The following VOPP1 variants were observed in gnomAD, a reference collection of about 807,000 sequenced individuals.
VOPP1 encodes the protein VOPP1 WW domain binding protein, also known as WW domain binding protein VOPP1.
A neutral mutation model predicts 23.5 loss-of-function variants in VOPP1; 8 were observed. That is an observed-to-expected ratio of 0.34 (90% CI 0.20 to 0.61). The LOEUF (loss-of-function observed/expected upper bound fraction) is 0.61, where lower values mean the gene tolerates loss of function less well. Among genes scored for constraint, VOPP1 ranks in the 20% least tolerant of loss-of-function variants. The probability of loss-of-function intolerance (pLI) is 0.78; values close to 1 mark genes in which losing one functional copy is unlikely to be tolerated. For synonymous variants in VOPP1, 83 were observed against 97.3 expected (o/e 0.85, Z 0.86); for missense variants, 174 against 238.1 (o/e 0.73, Z 1.77).
intron 1 of VOPP1, among the ~76,000 whole-genome samples, chr7:55,567,651 G>C (rs1194689579): frequency 6.6e-6 from 1 of 152,204 alleles, no homozygotes. Flanking sequence ...GGCCTCCTCA[G>C]ACACCTGGAC....
intron 1 of VOPP1, chr7:55,521,704 A>T: frequency 1.0e-6 from 1 of 986,424 alleles, no homozygotes; most frequent in Non-Finnish European, 1.2e-6. Flanking sequence ...AGCTCCTAAC[A>T]TCCCGGAGGC....
intron 1 of VOPP1, among the ~76,000 whole-genome samples, chr7:55,564,630 A>G (rs1398840958): frequency 2.6e-5 from 4 of 152,112 alleles, no homozygotes; most frequent in African/African-American, 9.7e-5. Flanking sequence ...ACAGATAATA[A>G]CAAGCAAGCC....
At position 55,438,914 on chromosome 7, in the gene VOPP1, T is replaced by G. The variant is rs571050211; in HGVS notation, n.418-2740A>C. On this transcript the variant is annotated intron_variant and non_coding_transcript_variant, in intron 4 of 4. Coordinates refer to the VOPP1 transcript ENST00000462326. The stretch of plus-strand genomic sequence containing the variant: ...TGGAGCCAGCAGGACTTCCTGGCAG[T>G]CAGGGGCAGAGTAAGACAGTTGTCA... Among the ~76,000 whole-genome samples the G allele has an allele frequency of 2.0e-5, 3 of 152,082 alleles. No individual in the cohort carries two copies. The South Asian group carries it at 6.2e-4, about 32-fold the overall frequency.
intron 1 of VOPP1, among the ~76,000 whole-genome samples, chr7:55,537,043 G>T (rs1796837854): frequency 6.6e-6 from 1 of 152,164 alleles, no homozygotes; most frequent in Admixed American, 6.5e-5. Flanking sequence ...GGGGCTTTGG[G>T]GAGGGGCCAG....
Position 55,521,597 on chromosome 7 carries a change from G to A in VOPP1, c.55-467C>T, listed in dbSNP as rs115172757. 2.9e-3 allele frequency: 2,836 copies of A among 987,642 alleles called. 55 individuals are homozygous for A. The African/African-American group carries it at 0.04, about 14-fold the overall frequency. The allele number at this position is 987,642 out of a possible 1,614,324, so 61.2% of individuals were successfully genotyped here. On this transcript the variant is annotated intron_variant, in intron 1 of 4. Coordinates refer to ENST00000285279, the MANE Select transcript of VOPP1 (RefSeq NM_030796.5). The stretch of plus-strand genomic sequence containing the variant: ...CCGACCTACGTCTGCAAGATGCTGC[G>A]AGTCACGGTTCACTCGTTGCCCTCT...
At chr7:55,453,970 A>G (rs1791305143) in intron 4 of VOPP1, among the ~76,000 whole-genome samples, 1 of 152,316 alleles carries the variant, frequency 6.6e-6, no homozygotes, top group African/African-American at 2.4e-5. Flanking sequence ...TTTGAACATA[A>G]GAAGTAGAGA....
intron 2 of VOPP1, among the ~76,000 whole-genome samples, chr7:55,515,088 G>A (rs1462828161): frequency 6.6e-6 from 1 of 152,160 alleles, no homozygotes; most frequent in African/African-American, 2.4e-5. Context: ...TGCCTCCCAA[G>A]CCACCGCCCT....
chr7:55,479,550 T>C (rs975296786), intron 4 of VOPP1, among the ~76,000 whole-genome samples: 2 of 152,232 alleles, frequency 1.3e-5, no homozygotes, highest in South Asian at 4.1e-4. Flanking sequence ...GATGATAAAC[T>C]GTTTACAAAC....
chr7:55,447,133 C>A (rs1169777364), intron 4 of VOPP1, among the ~76,000 whole-genome samples: 1 of 152,168 alleles, frequency 6.6e-6, no homozygotes, highest in Non-Finnish European at 1.5e-5. Context: ...TCATGTGATG[C>A]CCCTGCTGCA....
At chr7:55,439,109 G>A (rs1245598709) in intron 4 of VOPP1, among the ~76,000 whole-genome samples, 3 of 152,148 alleles carry the variant, frequency 2.0e-5, no homozygotes, top group African/African-American at 2.4e-5. Flanking sequence ...GTCTGTGATG[G>A]AGGCGTCACT....
At chr7:55,492,181 C>T (rs1458072150) in intron 4 of VOPP1, 101 bp downstream of exon 4, 3 of 1,425,862 alleles carry the variant, frequency 2.1e-6, no homozygotes, top group South Asian at 1.6e-5. Context: ...CACACCTGAG[C>T]GCTCTCTTCT....
At chr7:55,512,605 C>G (rs1180112473) in intron 2 of VOPP1, among the ~76,000 whole-genome samples, 1 of 152,222 alleles carries the variant, frequency 6.6e-6, no homozygotes, top group Non-Finnish European at 1.5e-5. Flanking sequence ...TCTTGAATAT[C>G]TGCCCCCTCC....
intron 1 of VOPP1, among the ~76,000 whole-genome samples, chr7:55,522,922 C>G (rs930927864): frequency 5.3e-5 from 8 of 152,248 alleles, no homozygotes; most frequent in Non-Finnish European, 1.0e-4. Flanking sequence ...CACTGCATTT[C>G]AGAAAGGACT....
chr7:55,554,876 G>A (rs1035400470), intron 1 of VOPP1, among the ~76,000 whole-genome samples: 1 of 152,118 alleles, frequency 6.6e-6, no homozygotes, highest in Non-Finnish European at 1.5e-5. Context: ...AGGATTTTTC[G>A]CAGAATGAGG....
chr7:55,462,969 GTTCT>G (rs1463102917), intron 4 of VOPP1, among the ~76,000 whole-genome samples: 5 of 151,992 alleles, frequency 3.3e-5, no homozygotes, highest in African/African-American at 7.2e-5. Context: ...TTTCTGTTTG[GTTCT>G]TTCTTTATGA....
intron 4 of VOPP1, among the ~76,000 whole-genome samples, chr7:55,452,019 A>G (rs1791258009): frequency 6.6e-6 from 1 of 152,230 alleles, no homozygotes; most frequent in Admixed American, 6.5e-5. Context: ...TCTCTGTAGC[A>G]TGCGACGCTG....
chr7:55,519,198 G>T (rs141262073), intron 2 of VOPP1, among the ~76,000 whole-genome samples: 34 of 152,330 alleles, frequency 2.2e-4, no homozygotes, highest in African/African-American at 7.2e-4. Context: ...CACCTAGGGA[G>T]CTCTGGATCC....
intron 1 of VOPP1, among the ~76,000 whole-genome samples, chr7:55,558,747 A>G (rs1797889890): frequency 6.6e-6 from 1 of 152,130 alleles, no homozygotes; most frequent in South Asian, 2.1e-4. Flanking sequence ...ACAGAGTAAA[A>G]ACTTCAGACT....
chr7:55,486,078 G>A (rs1793120907), intron 4 of VOPP1, among the ~76,000 whole-genome samples: 2 of 152,202 alleles, frequency 1.3e-5, no homozygotes, highest in Admixed American at 6.5e-5. Context: ...AGTGGACCAC[G>A]ACGGGCCAGA....
Sources: allele counts gnomAD v4.1 joint callset (sites outside exome capture counted in the v4.1 genomes callset), GRCh38; gene constraint gnomAD v4.1.1; transcripts MANE v1.5; gene names NCBI Gene and HGNC (gene_info 2026-07-23, HGNC 2026-07-21).